The following CDH12 variants were observed in gnomAD, a reference collection of about 807,000 sequenced individuals.
The protein encoded by CDH12 is cadherin 12.
In CDH12, 41 loss-of-function variants were observed where a neutral mutation model predicts 74.1. The observed-to-expected ratio is 0.55, with a 90% CI of 0.43 to 0.72. The LOEUF is 0.72. Among genes scored for constraint, CDH12 ranks in the 30% least tolerant of loss-of-function variants. The pLI is 0.00. For missense variants in CDH12, 945 were observed against 977.2 expected (o/e 0.97, Z 0.44); for synonymous variants, 399 against 355.0 (o/e 1.12, Z -1.39).
At chr5:22,098,032 T>C (rs973665567) in intron 4 of CDH12, among the ~76,000 whole-genome samples, 4 of 152,178 alleles carry the variant, frequency 2.6e-5, no homozygotes, top group Non-Finnish European at 4.4e-5. Flanking sequence ...CAAACCCATA[T>C]ACTCTCCTAT....
intron 6 of CDH12, among the ~76,000 whole-genome samples, chr5:21,919,135 C>G (rs929328463): frequency 1.3e-5 from 2 of 152,062 alleles, no homozygotes; most frequent in African/African-American, 4.8e-5. Context: ...AAAGTATTTA[C>G]AAATTTTAAA....
At chr5:21,883,440 A>G (rs1752463785) in intron 6 of CDH12, 4 of 1,600,560 alleles carry the variant, frequency 2.5e-6, no homozygotes, top group Non-Finnish European at 3.4e-6. Context: ...AGAAGCTCTA[A>G]GTACACTCAT....
intron 11 of CDH12, among the ~76,000 whole-genome samples, chr5:21,771,972 T>C (rs1031856625): frequency 6.6e-6 from 1 of 152,172 alleles, no homozygotes; most frequent in Non-Finnish European, 1.5e-5. Context: ...GTTTCAATGT[T>C]ATTGCTGATC....
chr5:21,825,949 T>C (rs550562635), intron 8 of CDH12, among the ~76,000 whole-genome samples: 1 of 152,192 alleles, frequency 6.6e-6, no homozygotes, highest in Non-Finnish European at 1.5e-5. Flanking sequence ...AACAGTTTTT[T>C]AAATGCTTTA....
chr5:22,425,156 T>TATATATATATAAAA (rs776055472), intron 2 of CDH12, among the ~76,000 whole-genome samples: 19,582 of 126,086 alleles, frequency 0.16, 1,446 homozygotes, highest in South Asian at 0.2. Flanking sequence ...TGTGTGTGTA[T>TATATATATATAAAA]ATATATATAT....
chr5:22,849,185 G>A (rs1457824315), intron 1 of CDH12, among the ~76,000 whole-genome samples: 1 of 152,090 alleles, frequency 6.6e-6, no homozygotes, highest in African/African-American at 2.4e-5. Context: ...AGTGTTATCT[G>A]TGGGGTAATT....
chr5:21,909,809 G>C (rs536119649), intron 6 of CDH12, among the ~76,000 whole-genome samples: 2 of 152,088 alleles, frequency 1.3e-5, no homozygotes, highest in Non-Finnish European at 2.9e-5. Flanking sequence ...ATGAAAAAAA[G>C]ACATGGCTTT....
intron 5 of CDH12, among the ~76,000 whole-genome samples, chr5:21,993,002 C>G (rs997913206): frequency 3.8e-4 from 58 of 152,112 alleles, no homozygotes; most frequent in African/African-American, 1.4e-3. Flanking sequence ...GGTGAAGTGC[C>G]ACAATTTAAT....
rs913992959 is a variant in CDH12, at chr5:22,403,549, C to A, written c.-333+1708G>T. Among the ~76,000 whole-genome samples the A allele has an allele frequency of 4.6e-5, 7 of 152,268 alleles. No individual in the cohort carries two copies. In the South Asian group the frequency reaches 1.4e-3, roughly 32 times the overall value. ...CAGGCAACCACAATCCTTGCAGGAG[C>A]TGTAGCATGAATATGACCAGTATAC... On this transcript the variant is annotated intron_variant, in intron 3 of 14. Transcript: ENST00000382254.
intron 5 of CDH12, among the ~76,000 whole-genome samples, chr5:22,041,413 A>C (rs529706574): frequency 6.6e-6 from 1 of 152,232 alleles, no homozygotes; most frequent in South Asian, 2.1e-4. Context: ...ACCATATCAA[A>C]ATCTGTGCTG....
intron 6 of CDH12, among the ~76,000 whole-genome samples, chr5:21,913,878 C>A (rs1037668567): frequency 1.3e-5 from 2 of 152,038 alleles, no homozygotes; most frequent in Non-Finnish European, 2.9e-5. Flanking sequence ...AGATAGGAGT[C>A]TCACTGTGTT....
intron 5 of CDH12, among the ~76,000 whole-genome samples, chr5:22,009,093 G>A (rs1319197751): frequency 6.6e-6 from 1 of 152,182 alleles, no homozygotes; most frequent in Non-Finnish European, 1.5e-5. Context: ...GCATAGATGG[G>A]ACCCCAGTGG....
intron 1 of CDH12, among the ~76,000 whole-genome samples, chr5:22,677,388 T>C (rs1379131898): frequency 6.6e-6 from 1 of 152,054 alleles, no homozygotes; most frequent in Non-Finnish European, 1.5e-5. Context: ...TGAAATTCAG[T>C]ATTTGCTGAT....
At chr5:22,420,926 T>C (rs1241656522) in intron 2 of CDH12, among the ~76,000 whole-genome samples, 2 of 152,178 alleles carry the variant, frequency 1.3e-5, no homozygotes, top group Admixed American at 6.5e-5. Flanking sequence ...GCTGTATTCA[T>C]AGGTATTTTA....
chr5:22,027,079 T>C (rs577438228), intron 5 of CDH12, among the ~76,000 whole-genome samples: 1 of 152,222 alleles, frequency 6.6e-6, no homozygotes, highest in Admixed American at 6.6e-5. Flanking sequence ...AATCATGTGG[T>C]TTTTGTCTTT....
intron 11 of CDH12, among the ~76,000 whole-genome samples, chr5:21,781,702 T>G (rs1445121903): frequency 6.8e-6 from 1 of 147,274 alleles, no homozygotes; most frequent in East Asian, 2.0e-4. Flanking sequence ...CCAGTCTAGG[T>G]GACAGAGTGA....
intron 1 of CDH12, among the ~76,000 whole-genome samples, chr5:22,544,193 T>A (rs528693373): frequency 1.9e-4 from 29 of 152,242 alleles, no homozygotes; most frequent in African/African-American, 7.0e-4. Context: ...CTCCAAATAA[T>A]CACAGTTGCC....
chr5:22,605,639 C>A (rs1737073151), intron 1 of CDH12, among the ~76,000 whole-genome samples: 2 of 152,202 alleles, frequency 1.3e-5, no homozygotes, highest in South Asian at 2.1e-4. Context: ...CATCCCATCC[C>A]CAGCTGGGCA....
At chr5:22,601,156 AT>A (rs998058285) in intron 1 of CDH12, among the ~76,000 whole-genome samples, 21 of 152,156 alleles carry the variant, frequency 1.4e-4, no homozygotes, top group African/African-American at 4.3e-4. Context: ...AATTTTATTT[AT>A]TTTTTTAACC....
Sources: allele counts gnomAD v4.1 joint callset (sites outside exome capture counted in the v4.1 genomes callset), GRCh38; gene constraint gnomAD v4.1.1; transcripts MANE v1.5; gene names NCBI Gene and HGNC (gene_info 2026-07-23, HGNC 2026-07-21).